The following PON1 variants were observed in gnomAD, a reference collection of about 807,000 sequenced individuals.
PON1 encodes the protein paraoxonase 1.
A neutral mutation model predicts 39.2 loss-of-function variants in PON1; 37 were observed. The observed-to-expected ratio is 0.94, with a 90% CI of 0.73 to 1.24. PON1 has a LOEUF of 1.24. Ranked by LOEUF, PON1 falls within the 50% of genes most tolerant of loss-of-function variation. The pLI, the probability that PON1 is intolerant of heterozygous loss-of-function variation, is 0.00. For missense variants in PON1, 397 were observed against 413.5 expected (o/e 0.96, Z 0.35); for synonymous variants, 148 against 152.2 (o/e 0.97, Z 0.21).
At chr7:95,323,246 C>G (rs975189609) in intron 1 of PON1, among the ~76,000 whole-genome samples, 4 of 152,136 alleles carry the variant, frequency 2.6e-5, no homozygotes, top group Non-Finnish European at 5.9e-5. Flanking sequence ...CTGGGTCACT[C>G]CAGGAGGCTC....
At chr7:95,301,978 T>C (rs1045510996) in intron 8 of PON1, among the ~76,000 whole-genome samples, 2 of 148,756 alleles carry the variant, frequency 1.3e-5, no homozygotes, top group African/African-American at 5.0e-5. Flanking sequence ...GCGCCTGTGG[T>C]CCCAACTACT....
Position 95,321,054 on chromosome 7 carries a change from C to T in PON1, c.75-2661G>A, listed in dbSNP as rs1306888760. Among the ~76,000 whole-genome samples, 4 of 152,116 alleles carry T rather than the reference C, an allele frequency of 2.6e-5. No homozygotes were observed. In the East Asian group the frequency reaches 7.7e-4, roughly 29 times the overall value. Reference sequence around the variant, plus strand: ...GGGCTCTGGCTGCTTCCACTCATTGCAGAAGATGAAGAGAAGCCAGTACTC... The same window carrying T: ...GGGCTCTGGCTGCTTCCACTCATTGTAGAAGATGAAGAGAAGCCAGTACTC... On this transcript the variant is annotated intron_variant, in intron 1 of 8. Transcript: ENST00000222381.
chr7:95,322,330 A>G (rs939919422), intron 1 of PON1, among the ~76,000 whole-genome samples: 1 of 124,896 alleles, frequency 8.0e-6, no homozygotes, highest in African/African-American at 3.2e-5. Context: ...AAATATATGT[A>G]TGTGTGTGTG....
rs1807348583 is a variant in PON1 at position 95,298,791 on chromosome 7, T to A, written c.*153A>T. On this transcript the variant is annotated 3_prime_UTR_variant, in exon 9 of 9. Coordinates refer to ENST00000222381, the MANE Select transcript of PON1 (RefSeq NM_000446.7). ...TCTCAAAAAAAAGCCCTACACATCATATCACTCCCAGTTAAACAGTGCTTT... is the reference window on the plus strand; with the variant it reads ...TCTCAAAAAAAAGCCCTACACATCAAATCACTCCCAGTTAAACAGTGCTTT... The A allele has an allele frequency of 3.3e-6, 3 of 915,506 alleles. No individual in the cohort carries two copies. Among genetic ancestry groups the A allele is most frequent in the Non-Finnish European group, 3.5e-6 (2 of 571,286 alleles). The allele number at this position is 915,506 out of a possible 1,614,324, so 56.7% of individuals were successfully genotyped here.
intron 4 of PON1, among the ~76,000 whole-genome samples, chr7:95,313,834 C>T (rs1563598651): frequency 6.6e-6 from 1 of 152,032 alleles, no homozygotes. Context: ...TGGGGATGTC[C>T]TCCTAGAAAG....
intron 5 of PON1, among the ~76,000 whole-genome samples, chr7:95,308,796 T>C (rs1055262221): frequency 6.6e-6 from 1 of 152,112 alleles, no homozygotes; most frequent in African/African-American, 2.4e-5. Flanking sequence ...CTTCCAGCCT[T>C]AAGATTTCGT....
chr7:95,301,300 G>C (rs1479281079), intron 8 of PON1, among the ~76,000 whole-genome samples: 3 of 152,168 alleles, frequency 2.0e-5, no homozygotes, highest in African/African-American at 7.2e-5. Context: ...TTCTAAGCCA[G>C]AATAATTCCA....
intron 5 of PON1, among the ~76,000 whole-genome samples, chr7:95,309,027 T>C (rs550150487): frequency 3.5e-4 from 54 of 152,292 alleles, no homozygotes; most frequent in African/African-American, 1.2e-3. Context: ...GGGAGAAAAT[T>C]ATCTCTGCTC....
chr7:95,321,288 G>A (rs1219356784), intron 1 of PON1, among the ~76,000 whole-genome samples: 1 of 152,232 alleles, frequency 6.6e-6, no homozygotes, highest in Non-Finnish European at 1.5e-5. Context: ...GAGGTTTGGA[G>A]AGGACGAACA....
In PON1 at chr7:95,324,514, C is replaced by A. The variant is rs371758345; in HGVS notation, c.-39G>T. On this transcript the variant is annotated 5_prime_UTR_variant, in exon 1 of 9. Coordinates refer to ENST00000222381, the MANE Select transcript of PON1 (RefSeq NM_000446.7). ...CAAAGGGATCGATGGGCGCAGACAC[C>A]GACGGGCTAGGAGGCTCTGCCTGCC... is the stretch of plus-strand genomic sequence containing the variant. The A allele has an allele frequency of 2.5e-6, 4 of 1,592,854 alleles. No individual in the cohort carries two copies. The highest frequency in any genetic ancestry group is 2.6e-6 in the Non-Finnish European group (3 of 1,162,510).
intron 4 of PON1, among the ~76,000 whole-genome samples, chr7:95,313,618 ATGTGTGTGTGTGTG>A (rs3046663): frequency 1.4e-5 from 2 of 147,182 alleles, no homozygotes; most frequent in Non-Finnish European, 3.0e-5. Flanking sequence ...ATATATGTAT[ATGTGTGTGTGTGTG>A]TGTGTGTGTG....
chr7:95,322,335 T>A (rs973044672), intron 1 of PON1, among the ~76,000 whole-genome samples: 12 of 19,252 alleles, frequency 6.2e-4, no homozygotes, highest in Middle Eastern at 0.05. Flanking sequence ...TATGTATGTG[T>A]GTGTGTGTGT....
intron 1 of PON1, among the ~76,000 whole-genome samples, chr7:95,321,234 ACACCTCCCATTGGGCCC>A (rs1360997030): frequency 2.6e-5 from 4 of 152,158 alleles, no homozygotes; most frequent in African/African-American, 9.7e-5. Flanking sequence ...CATGACCCAA[ACACCTCCCATTGGGCCC>A]CACCTCCAAC....
At chr7:95,318,635 T>C in intron 1 of PON1, 1 of 448,208 alleles carries the variant, frequency 2.2e-6, no homozygotes, top group Non-Finnish European at 4.1e-6. Context: ...TAATATCCTC[T>C]CTAGGGCTCT....
chr7:95,322,354 A>G (rs571075759), intron 1 of PON1, among the ~76,000 whole-genome samples: 5,640 of 148,862 alleles, frequency 0.038, 280 homozygotes, highest in African/African-American at 0.11. Context: ...GTGTGTGTAT[A>G]TATATATATA....
rs1345154807 is a variant in PON1, at chr7:95,298,554, C to T, written c.*390G>A. ...AGTTCTAAAGACACGTGAGCTAACC[C>T]TGCTCCCCTGTGTCTTCTGAACAAG... On this transcript the variant is annotated 3_prime_UTR_variant, in exon 9 of 9. Coordinates refer to ENST00000222381, the MANE Select transcript of PON1 (RefSeq NM_000446.7). 2 of 340,432 alleles carry T rather than the reference C, an allele frequency of 5.9e-6. No individual in the cohort carries two copies. The highest frequency in any genetic ancestry group is 1.5e-4 in the East Asian group (2 of 13,528). The allele number at this position is 340,432 out of a possible 1,614,324, so 21.1% of individuals were successfully genotyped here. A position where few individuals can be genotyped will look rare whatever the true frequency, so the allele number is the denominator to read the frequency against.
In PON1 at chr7:95,308,157, G is replaced by A; in HGVS notation, c.552C>T (p.His184=). The change falls in exon 6 of 9, where the codon CAC becomes CAT. Residue 184 remains histidine (H), a synonymous_variant. Coordinates refer to ENST00000222381, the MANE Select transcript of PON1 (RefSeq NM_000446.7). The stretch of plus-strand genomic sequence containing the variant: ...ATTGTAAGTAGGGGTCAAGAAAATA[G>A]TGATCATTTGTGCCATAAAAGTGCT... ...GPEHFYGTND[H]YFLDPYLQSW... is the part of the protein sequence containing the mutation. 6.2e-7 allele frequency: 1 copy of A among 1,614,096 alleles called. No individual in the cohort carries two copies. Among genetic ancestry groups the A allele is most frequent in the Non-Finnish European group, 8.5e-7 (1 of 1,180,022 alleles).
rs370770413 is a variant in PON1, at chr7:95,302,162, G to T, written c.909+43C>A. On this transcript the variant is annotated intron_variant, in intron 8 of 8. Transcript: ENST00000222381. ...TATGTTGTCAACTGAAAAAACAGTA[G>T]CTGGGAATAAAGTCACTTATCTGGT... The T allele has an allele frequency of 1.4e-5, 20 of 1,426,396 alleles. No homozygotes were observed. In the Admixed American group the frequency reaches 3.4e-4, roughly 24 times the overall value. 88.4% of individuals were successfully genotyped at this position (1,426,396 alleles called of 1,614,324 possible).
intron 2 of PON1, 119 bp from the exon 3 acceptor site, chr7:95,316,908 C>T (rs989408253): frequency 1.1e-5 from 8 of 756,384 alleles, no homozygotes; most frequent in Non-Finnish European, 1.7e-5. Flanking sequence ...TTAATAGGTT[C>T]AGAATAATTC....
Sources: gnomAD v4.1 joint callset for allele counts (sites outside exome capture counted in the v4.1 genomes callset) on GRCh38, gnomAD v4.1.1 for gene constraint, MANE v1.5 for transcripts, NCBI Gene and HGNC (gene_info 2026-07-23, HGNC 2026-07-21) for gene names.